Variants in RECQL5 observed in about 807,000 individuals in gnomAD.
RECQL5 encodes the protein RecQ like helicase 5.
Under a neutral mutation model 103.4 loss-of-function variants are expected in RECQL5, and 88 were observed. The observed-to-expected ratio is 0.85, with a 90% CI of 0.72 to 1.02. The LOEUF (loss-of-function observed/expected upper bound fraction) is 1.02. Ranked by LOEUF, RECQL5 falls within the 50% of genes least tolerant of loss-of-function variation. RECQL5 has a pLI of 0.00. For missense variants in RECQL5, 1,232 were observed against 1,284.3 expected (o/e 0.96, Z 0.62); for synonymous variants, 552 against 507.9 (o/e 1.09, Z -1.17).
In RECQL5 at chr17:75,629,414, G is replaced by A. The variant is rs770510555; in HGVS notation, c.2009C>T (p.Thr670Met). The change falls in exon 16 of 20, where the codon ACG becomes ATG. Residue 670 changes from threonine to methionine, a missense_variant. Thr to Met is a moderately conservative substitution (Grantham distance 81). Coordinates refer to ENST00000317905, the MANE Select transcript of RECQL5 (RefSeq NM_004259.7). ...PKGSCPFQTA[T>M]ELMETTRIRE... is the part of the protein sequence containing the mutation. The stretch of plus-strand genomic sequence containing the variant: ...GATCCGAGTTGTCTCCATCAGTTCC[G>A]TGGCCGTCTGGAACGGGCAGGAGCC... 10 of 1,505,996 alleles carry A rather than the reference G, an allele frequency of 6.6e-6. No individual in the cohort carries two copies. The highest frequency in any genetic ancestry group is 1.8e-4 in the Middle Eastern group (1 of 5,564). 93.3% of individuals were successfully genotyped at this position (1,505,996 alleles called of 1,614,324 possible). A position where few individuals can be genotyped will look rare whatever the true frequency, so the allele number is the denominator to read the frequency against.
chr17:75,666,872 C>G, intron 1 of RECQL5, 172 bp downstream of exon 1: 1 of 284,504 alleles, frequency 3.5e-6, no homozygotes, highest in South Asian at 4.6e-5. Flanking sequence ...GCTTGGAGAA[C>G]GGGGAACCGT....
chr17:75,631,541 AGCT>A lies in RECQL5; in HGVS notation c.1354_1356del (p.Ser452del). 6.2e-7 allele frequency: 1 copy of A among 1,613,168 alleles called. No homozygotes were observed. On this transcript the variant is annotated inframe_deletion, in exon 9 of 20. Transcript: ENST00000317905. ...GAGGGCCCGATGCAGGTCTTGCTCC[AGCT>A]GCTGCTGCGCTCCAAGGCCTCCAGC...
At chr17:75,661,142 A>G (rs1445387779) in intron 5 of RECQL5, 76 bp from the exon 6 acceptor site, 2 of 1,104,666 alleles carry the variant, frequency 1.8e-6, no homozygotes, top group African/African-American at 3.1e-5. Context: ...TGGGTTTGAC[A>G]CTGTGTGCTA....
chr17:75,664,997 A>G, intron 3 of RECQL5, 54 bp downstream of exon 3: 1 of 1,500,872 alleles, frequency 6.7e-7, no homozygotes, highest in Non-Finnish European at 8.8e-7. Context: ...TCCAGCCTCA[A>G]AAAACCTTCC....
intron 8 of RECQL5, chr17:75,639,422 G>T (rs2059390338): frequency 6.6e-6 from 1 of 152,272 alleles, no homozygotes. Context: ...TGGGCCTCTT[G>T]GGCACCCTGA....
intron 14 of RECQL5, 93 bp downstream of exon 14, chr17:75,630,091 G>T (rs2059178417): frequency 2.6e-6 from 3 of 1,173,490 alleles, no homozygotes; most frequent in Middle Eastern, 2.8e-4. Flanking sequence ...TGAGTTCTGG[G>T]CTGCCTGAGC....
At chr17:75,643,303 T>G (rs547871581) in intron 8 of RECQL5, among the ~76,000 whole-genome samples, 21 of 152,334 alleles carry the variant, frequency 1.4e-4, no homozygotes, top group African/African-American at 4.8e-4. Context: ...GGCCCTTTGT[T>G]AGAAAATATT....
At chr17:75,637,745 G>T (rs1485124135) in intron 8 of RECQL5, 1 of 152,314 alleles carries the variant, frequency 6.6e-6, no homozygotes, top group Non-Finnish European at 1.5e-5. Flanking sequence ...CAGCCAGCTG[G>T]CTTCCAGGGG....
rs966642018 is a variant in RECQL5, at chr17:75,650,787, G to A, written c.1229+399C>T. 6 of 1,565,836 alleles carry A rather than the reference G, an allele frequency of 3.8e-6. No homozygotes were observed. In the African/African-American group the frequency reaches 6.8e-5, roughly 18 times the overall value. ...ACTCCCCGAGGTAAGTGGGGCCACA[G>A]GCTTCTGTGTGGGTCCTGGATAAGG... On this transcript the variant is annotated intron_variant, in intron 8 of 19. Transcript: ENST00000317905.
At chr17:75,654,206 T>G (rs2059589433) in intron 7 of RECQL5, among the ~76,000 whole-genome samples, 1 of 152,264 alleles carries the variant, frequency 6.6e-6, no homozygotes, top group African/African-American at 2.4e-5. Flanking sequence ...TGAAATAGCT[T>G]TGTTTTTCTC....
At chr17:75,633,643 T>C in intron 8 of RECQL5, 1 of 1,180,692 alleles carries the variant, frequency 8.5e-7, no homozygotes, top group Non-Finnish European at 1.1e-6. Context: ...CTGTTGTTCC[T>C]GAGAGAGGCC....
chr17:75,665,626 G>A (rs2059762089), intron 2 of RECQL5, among the ~76,000 whole-genome samples: 1 of 150,240 alleles, frequency 6.7e-6, no homozygotes, highest in Non-Finnish European at 1.5e-5. Context: ...GGAGGCGGAG[G>A]TTGCAGTGAG....
At chr17:75,628,625 G>A (rs761555930) in intron 17 of RECQL5, 47 bp downstream of exon 17, 23 of 1,541,056 alleles carry the variant, frequency 1.5e-5, no homozygotes, top group East Asian at 4.6e-5. Flanking sequence ...TCCTGGCCTC[G>A]CCCACAGCCC....
chr17:75,651,622 G>T (rs2059556949), intron 7 of RECQL5, among the ~76,000 whole-genome samples: 1 of 152,032 alleles, frequency 6.6e-6, no homozygotes, highest in South Asian at 2.1e-4. Flanking sequence ...AGTAACAAGG[G>T]AGAAAAATAT....
intron 8 of RECQL5, chr17:75,638,053 A>T (rs1439734704): frequency 6.6e-6 from 1 of 152,202 alleles, no homozygotes; most frequent in Non-Finnish European, 1.5e-5. Flanking sequence ...CCTCACCTCC[A>T]CAGAAACGCA....
Position 75,627,619 on chromosome 17 carries a change from T to A in RECQL5, c.2875+4A>T. The A allele has an allele frequency of 6.2e-7, 1 of 1,613,426 alleles. No homozygotes were observed. Among genetic ancestry groups the A allele is most frequent in the Non-Finnish European group, 8.5e-7 (1 of 1,179,732 alleles). On this transcript the variant is annotated splice_donor_region_variant and intron_variant, in intron 19 of 19. Coordinates refer to ENST00000317905, the MANE Select transcript of RECQL5 (RefSeq NM_004259.7). Reference sequence around the variant, plus strand: ...CTCCTGGCCCTGGCAATGCCAGCGCTCACCGCTCCTTCCAGGAGAGGTCTT... The same window carrying A: ...CTCCTGGCCCTGGCAATGCCAGCGCACACCGCTCCTTCCAGGAGAGGTCTT...
At chr17:75,666,783 C>T in intron 1 of RECQL5, 1 of 547,994 alleles carries the variant, frequency 1.8e-6, no homozygotes, top group Admixed American at 3.2e-5. Flanking sequence ...AAAATGAAAA[C>T]ATTGAACTAT....
intron 6 of RECQL5, 64 bp downstream of exon 6, chr17:75,660,891 G>A: frequency 8.2e-7 from 1 of 1,213,374 alleles, no homozygotes; most frequent in Non-Finnish European, 1.2e-6. Flanking sequence ...TTTGGGCACA[G>A]CACTAGGCAA....
At position 75,662,885 on chromosome 17, in the gene RECQL5, T is replaced by A. The variant is rs1469700068; in HGVS notation, c.365A>T (p.Gln122Leu). 1.2e-6 allele frequency: 2 copies of A among 1,614,024 alleles called. No homozygotes were observed. The highest frequency in any genetic ancestry group is 2.7e-5 in the African/African-American group (2 of 74,918). The stretch of plus-strand genomic sequence containing the variant: ...TGGGGTGATGTACAGAATCTTGGTC[T>A]GGGGCTTTTCTCGCTCCAGGTCAGC... ...LLADLEREKP[Q>L]TKILYITPEM... Residue 122 changes from glutamine (Q) to leucine (L), a missense_variant, in exon 4 of 20, where the codon CAG (glutamine) becomes CTG (leucine). Coordinates refer to ENST00000317905, the MANE Select transcript of RECQL5 (RefSeq NM_004259.7).
Sources: gnomAD v4.1 joint callset for allele counts (sites outside exome capture counted in the v4.1 genomes callset) on GRCh38, gnomAD v4.1.1 for gene constraint, MANE v1.5 for transcripts, NCBI Gene and HGNC (gene_info 2026-07-23, HGNC 2026-07-21) for gene names.